The following PJA2 variants were observed in gnomAD, a reference collection of about 807,000 sequenced individuals.
PJA2 encodes the protein E3 ubiquitin-protein ligase Praja-2.
PJA2 carries 25 observed loss-of-function variants against 69.3 expected under a neutral mutation model. The ratio of observed to expected loss-of-function variants is 0.36; its 90% CI spans 0.26 to 0.50. The LOEUF (loss-of-function observed/expected upper bound fraction) is 0.50. Among genes scored for constraint, PJA2 ranks in the 20% least tolerant of loss-of-function variants. PJA2 has a pLI of 0.96. For synonymous variants in PJA2, 308 were observed against 277.8 expected, an observed-to-expected ratio of 1.11 and a Z score of -1.08; for missense variants, 809 against 830.2, an observed-to-expected ratio of 0.97 and a Z score of 0.31.
intron 6 of PJA2, 62 bp from the exon 7 acceptor site, chr5:109,356,088 A>C: frequency 9.1e-7 from 1 of 1,096,006 alleles, no homozygotes; most frequent in Non-Finnish European, 1.4e-6. Context: ...TCTTATGCTG[A>C]GGACATAATT....
chr5:109,381,811 T>A, intron 2 of PJA2, 108 bp from the exon 3 acceptor site: 1 of 887,998 alleles, frequency 1.1e-6, no homozygotes, highest in Non-Finnish European at 1.7e-6. Context: ...TCAAATCATA[T>A]GCTTCTGAAC....
At chr5:109,407,560 A>G (rs1275031797) in intron 1 of PJA2, among the ~76,000 whole-genome samples, 1 of 152,188 alleles carries the variant, frequency 6.6e-6, no homozygotes, top group Non-Finnish European at 1.5e-5. Flanking sequence ...ATTTTATAAG[A>G]TGTATAATTG....
intron 9 of PJA2, 68 bp downstream of exon 9, chr5:109,344,122 A>ATT: frequency 2.3e-5 from 15 of 658,722 alleles, no homozygotes; most frequent in Non-Finnish European, 3.5e-5. Context: ...AAAAAAAAAG[A>ATT]TACTATTATT....
intron 2 of PJA2, among the ~76,000 whole-genome samples, chr5:109,383,166 C>T (rs1747089181): frequency 6.6e-6 from 1 of 152,096 alleles, no homozygotes; most frequent in South Asian, 2.1e-4. Flanking sequence ...AGAATAGTCT[C>T]CGAAGTGGAA....
rs902506477 is a variant in PJA2, at chr5:109,336,241, T to A, written c.*990A>T. The A allele has an allele frequency of 1.3e-5, 2 of 152,252 alleles. No individual in the cohort carries two copies. Among genetic ancestry groups the A allele is most frequent in the African/African-American group, 4.8e-5 (2 of 41,460 alleles). 9.4% of individuals were successfully genotyped at this position (152,252 alleles called of 1,614,324 possible). On this transcript the variant is annotated 3_prime_UTR_variant, in exon 10 of 10. Transcript: ENST00000361189. ...AATCACATTTGTAAGTGAACTATTA[T>A]GTCCATGTTTGCACATACTCGTCCA...
At chr5:109,405,029 G>A (rs1269823863) in intron 1 of PJA2, among the ~76,000 whole-genome samples, 7 of 152,142 alleles carry the variant, frequency 4.6e-5, no homozygotes, top group South Asian at 2.1e-4. Flanking sequence ...TAACATGATT[G>A]TCTACATAGG....
chr5:109,345,014 C>T (rs930255689), intron 7 of PJA2, among the ~76,000 whole-genome samples, 195 bp from the exon 8 acceptor site: 1 of 151,936 alleles, frequency 6.6e-6, no homozygotes, highest in Non-Finnish European at 1.5e-5. Flanking sequence ...TAAATATACA[C>T]GCAGAGCCCA....
intron 1 of PJA2, among the ~76,000 whole-genome samples, chr5:109,388,612 C>A (rs1423585331): frequency 6.6e-6 from 1 of 152,150 alleles, no homozygotes; most frequent in East Asian, 1.9e-4. Flanking sequence ...CGTGGATCTA[C>A]ACCCTTATGA....
At chr5:109,344,460 T>C in intron 8 of PJA2, 149 bp from the exon 9 acceptor site, 1 of 853,546 alleles carries the variant, frequency 1.2e-6, no homozygotes, top group East Asian at 2.7e-5. Flanking sequence ...TGTCTAATAC[T>C]TGGCAATTTG....
intron 1 of PJA2, among the ~76,000 whole-genome samples, chr5:109,387,463 A>G (rs1164521690): frequency 1.3e-5 from 2 of 152,194 alleles, no homozygotes; most frequent in East Asian, 1.9e-4. Flanking sequence ...TTTTCTCTAA[A>G]TAGACATTTC....
At chr5:109,379,408 G>A (rs1339749704) in intron 3 of PJA2, among the ~76,000 whole-genome samples, 154 bp from the exon 4 acceptor site, 4 of 152,160 alleles carry the variant, frequency 2.6e-5, no homozygotes, top group Non-Finnish European at 5.9e-5. Context: ...CCTTAACTGA[G>A]AATGCAGACT....
intron 1 of PJA2, among the ~76,000 whole-genome samples, chr5:109,386,551 T>C (rs1285081288): frequency 6.6e-6 from 1 of 152,194 alleles, no homozygotes; most frequent in African/African-American, 2.4e-5. Flanking sequence ...AGTCTACGTG[T>C]TTTCAAGGGC....
chr5:109,380,072 T>C (rs1184634646), intron 3 of PJA2, among the ~76,000 whole-genome samples: 6 of 150,496 alleles, frequency 4.0e-5, no homozygotes, highest in East Asian at 1.9e-4. Flanking sequence ...CTTTGATATA[T>C]GGTACGAAGG....
At chr5:109,369,590 A>C (rs1762640887) in intron 4 of PJA2, among the ~76,000 whole-genome samples, 1 of 152,224 alleles carries the variant, frequency 6.6e-6, no homozygotes, top group Non-Finnish European at 1.5e-5. Context: ...TCTATGAATA[A>C]ATTTCTACTA....
Position 109,354,351 on chromosome 5 carries a change from G to C in PJA2, c.1764+1564C>G, listed in dbSNP as rs62638611. Among the ~76,000 whole-genome samples the C allele has an allele frequency of 2.7e-4, 19 of 69,504 alleles. 1 individual carries two copies. Among genetic ancestry groups the C allele is most frequent in the Admixed American group, 5.7e-4 (4 of 6,976 alleles). The allele number at this position is 69,504 out of a possible 152,430, so 45.6% of individuals were successfully genotyped here. A position where few individuals can be genotyped will look rare whatever the true frequency, so the allele number is the denominator to read the frequency against. ...TGATATCTAGAGATATCTATAGATT[G>C]GATATCTATATCTAGAGATATCTAT... On this transcript the variant is annotated intron_variant, in intron 7 of 9. Coordinates refer to ENST00000361189, the MANE Select transcript of PJA2 (RefSeq NM_014819.5).
At chr5:109,348,249 A>G (rs567891457) in intron 7 of PJA2, among the ~76,000 whole-genome samples, 1 of 152,352 alleles carries the variant, frequency 6.6e-6, no homozygotes, top group East Asian at 1.9e-4. Context: ...GTGCACTTAC[A>G]GAAAAAAATT....
At chr5:109,360,287 ATC>A (rs1435020655) in intron 6 of PJA2, among the ~76,000 whole-genome samples, 1 of 152,138 alleles carries the variant, frequency 6.6e-6, no homozygotes, top group African/African-American at 2.4e-5. Flanking sequence ...TAAAACGATG[ATC>A]TCTCTGTGTC....
chr5:109,368,916 G>T (rs572040528), intron 4 of PJA2, among the ~76,000 whole-genome samples, 170 bp from the exon 5 acceptor site: 2 of 152,236 alleles, frequency 1.3e-5, no homozygotes, highest in Non-Finnish European at 2.9e-5. Flanking sequence ...CATCATGGGG[G>T]TGTATCCTTC....
At chr5:109,342,208 A>C (rs1582580475) in intron 9 of PJA2, among the ~76,000 whole-genome samples, 2 of 42,534 alleles carry the variant, frequency 4.7e-5, no homozygotes, top group Admixed American at 3.0e-4. Flanking sequence ...GGGGGGGGTC[A>C]GCCCCCCCGC....
Sources: allele counts gnomAD v4.1 joint callset (sites outside exome capture counted in the v4.1 genomes callset), GRCh38; gene constraint gnomAD v4.1.1; transcripts MANE v1.5; gene names NCBI Gene and HGNC (gene_info 2026-07-23, HGNC 2026-07-21).